WWOX: variants seen among roughly 807,000 people sequenced by gnomAD.
WWOX encodes WW domain-containing oxidoreductase.
In WWOX, 69 loss-of-function variants were observed where a neutral mutation model predicts 46.2. The ratio of observed to expected loss-of-function variants is 1.49; its 90% CI spans 1.23 to 1.82. The LOEUF is 1.82. WWOX is among the 40% of genes most tolerant of loss of function. The probability of loss-of-function intolerance (pLI) is 0.00; values close to 1 mark genes in which losing one functional copy is unlikely to be tolerated. For synonymous variants in WWOX, 359 were observed against 202.6 expected, an observed-to-expected ratio of 1.77 and a Z score of -6.56; for missense variants, 919 against 542.6, an observed-to-expected ratio of 1.69 and a Z score of -6.89.
intron 8 of WWOX, among the ~76,000 whole-genome samples, chr16:79,083,797 A>T (rs1251882484): frequency 6.6e-6 from 1 of 152,204 alleles, no homozygotes; most frequent in African/African-American, 2.4e-5. Context: ...GGTCTTGTCT[A>T]ACTCCTTGGC....
chr16:78,802,172 C>T (rs993355499), intron 8 of WWOX, among the ~76,000 whole-genome samples: 5 of 146,672 alleles, frequency 3.4e-5, no homozygotes, highest in South Asian at 2.2e-4. Context: ...ACACAAAGAG[C>T]GAAGTTTGTT....
At chr16:78,930,917 G>T (rs531086120) in intron 8 of WWOX, among the ~76,000 whole-genome samples, 9 of 152,212 alleles carry the variant, frequency 5.9e-5, no homozygotes, top group South Asian at 4.1e-4. Context: ...TTCTGGGTTC[G>T]TTCCCAGGTC....
chr16:78,404,715 C>G (rs1201349642), intron 6 of WWOX, among the ~76,000 whole-genome samples: 1 of 152,136 alleles, frequency 6.6e-6, no homozygotes, highest in Admixed American at 6.5e-5. Context: ...TGAAGTGAGG[C>G]TAGTAGGTCA....
At chr16:78,425,125 C>G in intron 7 of WWOX, 70 bp downstream of exon 7, 3 of 1,594,634 alleles carry the variant, frequency 1.9e-6, no homozygotes, top group Admixed American at 1.7e-5. Flanking sequence ...CCAAGGCTCT[C>G]ATTCTGAAAA....
intron 8 of WWOX, among the ~76,000 whole-genome samples, chr16:78,673,001 C>T (rs944196332): frequency 6.6e-6 from 1 of 152,186 alleles, no homozygotes; most frequent in Non-Finnish European, 1.5e-5. Flanking sequence ...TGTGTCAGAA[C>T]TTGGAAATTT....
chr16:78,157,471 T>G (rs771977115), intron 4 of WWOX, among the ~76,000 whole-genome samples: 1 of 152,182 alleles, frequency 6.6e-6, no homozygotes, highest in Non-Finnish European at 1.5e-5. Flanking sequence ...CTTTAAAGGT[T>G]GGAGATACAG....
At chr16:78,759,871 G>T (rs1018982515) in intron 8 of WWOX, among the ~76,000 whole-genome samples, 1 of 152,116 alleles carries the variant, frequency 6.6e-6, no homozygotes, top group African/African-American at 2.4e-5. Context: ...TCATCTTCCA[G>T]TCTCTAGAGG....
At chr16:78,662,505 C>G (rs551714506) in intron 8 of WWOX, among the ~76,000 whole-genome samples, 1 of 152,090 alleles carries the variant, frequency 6.6e-6, no homozygotes, top group African/African-American at 2.4e-5. Context: ...GGTGCTCATC[C>G]CGATACCACT....
At chr16:79,073,367 A>G (rs988076276) in intron 8 of WWOX, among the ~76,000 whole-genome samples, 32 of 151,998 alleles carry the variant, frequency 2.1e-4, no homozygotes, top group African/African-American at 6.3e-4. Context: ...TTTAGTGGAG[A>G]CAGGGTTTCA....
At chr16:79,043,730 A>C (rs1174684429) in intron 8 of WWOX, among the ~76,000 whole-genome samples, 6 of 152,206 alleles carry the variant, frequency 3.9e-5, no homozygotes, top group Non-Finnish European at 7.3e-5. Flanking sequence ...CCAGGGAATT[A>C]ATCTCTGGAT....
chr16:78,761,365 C>A (rs1308037780), intron 8 of WWOX, among the ~76,000 whole-genome samples: 1 of 152,062 alleles, frequency 6.6e-6, no homozygotes, highest in Non-Finnish European at 1.5e-5. Flanking sequence ...GATGAGTTTT[C>A]AGGGAGAACT....
chr16:78,649,015 C>G (rs910988494), intron 8 of WWOX, among the ~76,000 whole-genome samples: 1 of 152,014 alleles, frequency 6.6e-6, no homozygotes, highest in Non-Finnish European at 1.5e-5. Flanking sequence ...GCTCTGTCAC[C>G]CAGGCTGGAG....
intron 8 of WWOX, chr16:79,004,195 G>T (rs902116361): frequency 6.6e-6 from 1 of 152,202 alleles, no homozygotes; most frequent in Admixed American, 6.5e-5. Flanking sequence ...TCTAGTCCCT[G>T]TTGAGTCCCT....
chr16:78,705,264 A>G (rs150619317), intron 8 of WWOX, among the ~76,000 whole-genome samples: 1 of 152,306 alleles, frequency 6.6e-6, no homozygotes, highest in Non-Finnish European at 1.5e-5. Flanking sequence ...TATTGTTTAC[A>G]TTTATCAAAT....
intron 5 of WWOX, among the ~76,000 whole-genome samples, chr16:78,365,343 T>A (rs2081510815): frequency 1.3e-5 from 2 of 152,186 alleles, no homozygotes; most frequent in African/African-American, 2.4e-5. Context: ...TTGTTTTTCT[T>A]TTTTACTTGC....
intron 8 of WWOX, among the ~76,000 whole-genome samples, chr16:79,007,702 G>T (rs1376262795): frequency 6.6e-6 from 1 of 152,222 alleles, no homozygotes; most frequent in African/African-American, 2.4e-5. Context: ...TTCATCAAGT[G>T]ACTCACCCGG....
chr16:78,440,509 C>A (rs370570048), intron 8 of WWOX, among the ~76,000 whole-genome samples: 3 of 152,138 alleles, frequency 2.0e-5, no homozygotes, highest in South Asian at 2.1e-4. Context: ...CTGCCTGACT[C>A]GTAGTAGCAC....
chr16:78,775,018 A>G (rs897451271), intron 8 of WWOX, among the ~76,000 whole-genome samples: 1 of 152,156 alleles, frequency 6.6e-6, no homozygotes, highest in Non-Finnish European at 1.5e-5. Flanking sequence ...AGTTGGGCAG[A>G]TGGCGAGAGA....
chr16:78,927,715 G>T (rs2045530830), intron 8 of WWOX, among the ~76,000 whole-genome samples: 1 of 152,156 alleles, frequency 6.6e-6, no homozygotes, highest in South Asian at 2.1e-4. Context: ...CTTACTTGGT[G>T]CCTGGGCTTG....
Sources: allele counts gnomAD v4.1 joint callset (sites outside exome capture counted in the v4.1 genomes callset), GRCh38; gene constraint gnomAD v4.1.1; transcripts MANE v1.5; gene names NCBI Gene and HGNC (gene_info 2026-07-23, HGNC 2026-07-21).